Variants in SLC19A2 observed in about 807,000 individuals in gnomAD.
SLC19A2 encodes solute carrier family 19 member 2.
In SLC19A2, 27 loss-of-function variants were observed where a neutral mutation model predicts 44.7. That is an observed-to-expected ratio of 0.60 (90% CI 0.45 to 0.83). The LOEUF (loss-of-function observed/expected upper bound fraction) is 0.83. SLC19A2 is among the 40% of genes least tolerant of loss of function. The pLI, the probability that SLC19A2 is intolerant of heterozygous loss-of-function variation, is 0.00. For missense variants in SLC19A2, 566 were observed against 613.7 expected, an observed-to-expected ratio of 0.92 and a Z score of 0.82; for synonymous variants, 239 against 243.6, an observed-to-expected ratio of 0.98 and a Z score of 0.18.
chr1:169,470,337 C>G (rs1429707827), intron 2 of SLC19A2, 151 bp from the exon 3 acceptor site: 1 of 724,948 alleles, frequency 1.4e-6, no homozygotes, highest in African/African-American at 1.8e-5. Context: ...CATTTATCCC[C>G]TCTGGCGAAA....
At chr1:169,481,514 A>ATGGG in intron 1 of SLC19A2, among the ~76,000 whole-genome samples, 1 of 152,358 alleles carries the variant, frequency 6.6e-6, no homozygotes, top group East Asian at 1.9e-4. Flanking sequence ...CACTTAACTA[A>ATGGG]TGGGTCTCCA....
intron 2 of SLC19A2, among the ~76,000 whole-genome samples, chr1:169,476,842 T>C (rs1171899762): frequency 6.6e-6 from 1 of 152,176 alleles, no homozygotes; most frequent in Non-Finnish European, 1.5e-5. Context: ...GTGCTTTATT[T>C]ATATGCCAAA....
chr1:169,471,644 G>A (rs1037585503), intron 2 of SLC19A2, among the ~76,000 whole-genome samples: 5 of 145,990 alleles, frequency 3.4e-5, no homozygotes, highest in Non-Finnish European at 6.0e-5. Context: ...CAGCCTGGGC[G>A]ACAGAGACAG....
Position 169,477,291 on chromosome 1 carries a change from C to A in SLC19A2, c.671G>T (p.Cys224Phe). 1 of 1,614,100 alleles carries A rather than the reference C, an allele frequency of 6.2e-7. No homozygotes were observed. The highest frequency in any genetic ancestry group is 1.3e-5 in the African/African-American group (1 of 75,000). The change falls in exon 2 of 6, where the codon TGC becomes TTC. Residue 224 changes from cysteine (C) to phenylalanine (F), a missense_variant. Physicochemically the swap from Cys to Phe is radical, Grantham distance 205 (BLOSUM62 -2). Coordinates refer to ENST00000236137, the MANE Select transcript of SLC19A2 (RefSeq NM_006996.3). ...SLFFHHIPST[C>F]QRVNGIKVQN... ...TACCTTGATGCCATTCACTCTCTGGCAGGTAGAAGGAATGTGGTGAAAGAA... is the reference window on the plus strand; with the variant it reads ...TACCTTGATGCCATTCACTCTCTGGAAGGTAGAAGGAATGTGGTGAAAGAA...
At chr1:169,482,174 C>T (rs1159295104) in intron 1 of SLC19A2, among the ~76,000 whole-genome samples, 2 of 151,628 alleles carry the variant, frequency 1.3e-5, no homozygotes, top group African/African-American at 2.4e-5. Flanking sequence ...GCACTCCAGC[C>T]TGGGCAACAA....
At chr1:169,474,840 T>A (rs1658270839) in intron 2 of SLC19A2, among the ~76,000 whole-genome samples, 1 of 152,168 alleles carries the variant, frequency 6.6e-6, no homozygotes, top group African/African-American at 2.4e-5. Flanking sequence ...ATGGTATCAG[T>A]AGCAGAGCCT....
At chr1:169,470,210 C>T in intron 2 of SLC19A2, 24 bp from the exon 3 acceptor site, 2 of 1,598,464 alleles carry the variant, frequency 1.3e-6, no homozygotes, top group Non-Finnish European at 1.7e-6. Flanking sequence ...GGGAACAATG[C>T]TCAAACTCTG....
rs149253770 is a variant in SLC19A2 at position 169,477,964 on chromosome 1, T to C, written c.205-207A>G. Reference sequence around the variant, plus strand: ...GTTCTGCGCCCAGGCTGGAGTGCAGTGGTACGATCTTGGCTCACTGCAACC... The same window carrying C: ...GTTCTGCGCCCAGGCTGGAGTGCAGCGGTACGATCTTGGCTCACTGCAACC... On this transcript the variant is annotated intron_variant, in intron 1 of 5. Transcript: ENST00000236137. Among the ~76,000 whole-genome samples, 58 of 152,296 alleles carry C rather than the reference T, an allele frequency of 3.8e-4. 1 individual carries two copies. Among genetic ancestry groups the C allele is most frequent in the African/African-American group, 1.3e-3 (52 of 41,564 alleles).
rs781363092 is a variant in SLC19A2, at chr1:169,477,190, G to A, written c.772C>T (p.Pro258Ser). Residue 258 changes from proline to serine, a missense_variant, in exon 2 of 6, where the codon CCT (proline) becomes TCT (serine). Coordinates refer to ENST00000236137, the MANE Select transcript of SLC19A2 (RefSeq NM_006996.3). ...PGWEDIESKI[P>S]LNMEEPPVEE... ...ACGGGAGGCTCCTCCATATTTAGAG[G>A]GATTTTTGACTCAATGTCCTCCCAG... 6.2e-7 allele frequency: 1 copy of A among 1,613,952 alleles called. No individual in the cohort carries two copies. Among genetic ancestry groups the A allele is most frequent in the South Asian group, 1.1e-5 (1 of 91,068 alleles).
intron 1 of SLC19A2, 51 bp downstream of exon 1, chr1:169,485,501 TCCGCTGCCCAC>T: frequency 6.5e-7 from 1 of 1,531,780 alleles, no homozygotes; most frequent in East Asian, 2.4e-5. Flanking sequence ...CCTCTCTTCC[TCCGCTGCCCAC>T]CCGCAGGCCG....
intron 2 of SLC19A2, among the ~76,000 whole-genome samples, chr1:169,470,598 G>T (rs1658150272): frequency 1.3e-5 from 2 of 152,088 alleles, no homozygotes; most frequent in Non-Finnish European, 2.9e-5. Flanking sequence ...CGTTATAATT[G>T]ACAGACTGAT....
At chr1:169,470,254 C>G in intron 2 of SLC19A2, 68 bp from the exon 3 acceptor site, 1 of 1,304,534 alleles carries the variant, frequency 7.7e-7, no homozygotes. Context: ...AATTTACAGG[C>G]CCAATTACTT....
At chr1:169,482,348 T>C (rs1208427662) in intron 1 of SLC19A2, among the ~76,000 whole-genome samples, 1 of 152,166 alleles carries the variant, frequency 6.6e-6, no homozygotes, top group Non-Finnish European at 1.5e-5. Context: ...AAAACCAGCC[T>C]GGCCAACATG....
chr1:169,470,836 A>T (rs1191276614), intron 2 of SLC19A2, among the ~76,000 whole-genome samples: 1 of 152,230 alleles, frequency 6.6e-6, no homozygotes, highest in Non-Finnish European at 1.5e-5. Flanking sequence ...AGAAGTCAAT[A>T]TGAGATGTCA....
Position 169,485,584 on chromosome 1 carries a change from G to C in SLC19A2, c.183C>G (p.Asp61Glu), listed in dbSNP as rs1487399665. The C allele has an allele frequency of 2.5e-6, 4 of 1,586,980 alleles. No individual in the cohort carries two copies. Among genetic ancestry groups the C allele is most frequent in the Non-Finnish European group, 2.6e-6 (3 of 1,166,866 alleles). The change falls in exon 1 of 6, where the codon GAC becomes GAG. Residue 61 changes from aspartate (D) to glutamate (E), a missense_variant. Asp to Glu is a conservative substitution (Grantham distance 45). Coordinates refer to ENST00000236137, the MANE Select transcript of SLC19A2 (RefSeq NM_006996.3). ...GTACCTCCCTCTCGGTCAGGTTCTT[G>C]TCCGGCCCCAGCAGGTACGGGGTCA... The part of the protein sequence containing the change: ...PFLTPYLLGP[D>E]KNLTEREVFN...
At chr1:169,479,864 G>C (rs1022724657) in intron 1 of SLC19A2, among the ~76,000 whole-genome samples, 2 of 152,162 alleles carry the variant, frequency 1.3e-5, no homozygotes, top group African/African-American at 2.4e-5. Context: ...GTTCACTCAA[G>C]TCTAATATGA....
chr1:169,473,130 T>C (rs1658227415), intron 2 of SLC19A2, among the ~76,000 whole-genome samples: 1 of 152,232 alleles, frequency 6.6e-6, no homozygotes, highest in Non-Finnish European at 1.5e-5. Flanking sequence ...ATTTTGACGC[T>C]GTTTTATAAA....
In SLC19A2 at chr1:169,468,713, T is replaced by C. The variant is rs112877627; in HGVS notation, c.1154A>G (p.Asn385Ser). ...AAVYIMDTVG[N>S]IWVCYASYVV... ...ATAGGATGCATAGCACACCCAAATG[T>C]TACCCACAGTGTCCATGATATACAC... is the stretch of plus-strand genomic sequence containing the variant. The change falls in exon 4 of 6, where the codon AAC (asparagine) becomes AGC (serine). Residue 385 changes from asparagine to serine, a missense_variant. Transcript: ENST00000236137. 2 of 1,613,856 alleles carry C rather than the reference T, an allele frequency of 1.2e-6. No homozygotes were observed. The highest frequency in any genetic ancestry group is 1.7e-6 in the Non-Finnish European group (2 of 1,179,832).
chr1:169,484,021 T>G (rs991988165), intron 1 of SLC19A2, among the ~76,000 whole-genome samples: 1 of 152,202 alleles, frequency 6.6e-6, no homozygotes, highest in Non-Finnish European at 1.5e-5. Flanking sequence ...AAATAGGTTA[T>G]GAATAACTGT....
Sources: allele counts gnomAD v4.1 joint callset (sites outside exome capture counted in the v4.1 genomes callset), GRCh38; gene constraint gnomAD v4.1.1; transcripts MANE v1.5; gene names NCBI Gene and HGNC (gene_info 2026-07-23, HGNC 2026-07-21).